NHSL1: variants seen among roughly 807,000 people sequenced by gnomAD.
NHSL1 encodes NHS-like protein 1.
In NHSL1, 48 loss-of-function variants were observed where a neutral mutation model predicts 95.0. That is an observed-to-expected ratio of 0.51 (90% CI 0.40 to 0.64). The LOEUF is 0.64. Among genes scored for constraint, NHSL1 ranks in the 30% least tolerant of loss-of-function variants. NHSL1 has a pLI of 0.00. For synonymous variants in NHSL1, 783 were observed against 833.9 expected (o/e 0.94, Z 1.05); for missense variants, 1,971 against 2,077.7 (o/e 0.95, Z 1.00).
chr6:138,543,139 A>G (rs1782647242), intron 1 of NHSL1, among the ~76,000 whole-genome samples: 1 of 152,180 alleles, frequency 6.6e-6, no homozygotes, highest in African/African-American at 2.4e-5. Context: ...GCTATTAATC[A>G]TATTATTTGA....
intron 1 of NHSL1, among the ~76,000 whole-genome samples, chr6:138,564,239 A>G (rs1257693963): frequency 6.6e-6 from 1 of 152,192 alleles, no homozygotes; most frequent in African/African-American, 2.4e-5. Flanking sequence ...GCTACCTATA[A>G]CTTGGACTTC....
At chr6:138,670,095 T>C (rs1785344857) in intron 1 of NHSL1, among the ~76,000 whole-genome samples, 1 of 152,034 alleles carries the variant, frequency 6.6e-6, no homozygotes, top group Non-Finnish European at 1.5e-5. Context: ...CACTCCAGCC[T>C]GGGTGACAGA....
At chr6:138,496,005 G>A (rs1449091758) in intron 2 of NHSL1, among the ~76,000 whole-genome samples, 1 of 152,082 alleles carries the variant, frequency 6.6e-6, no homozygotes, top group Non-Finnish European at 1.5e-5. Flanking sequence ...TACAACACAG[G>A]GGAATTATGG....
At chr6:138,676,351 T>C (rs1240227247) in intron 1 of NHSL1, among the ~76,000 whole-genome samples, 2 of 152,174 alleles carry the variant, frequency 1.3e-5, no homozygotes, top group Non-Finnish European at 2.9e-5. Flanking sequence ...GGTCCAGTCC[T>C]TTATTCTAAC....
chr6:138,619,407 C>T (rs902244428), intron 1 of NHSL1, among the ~76,000 whole-genome samples: 3 of 152,188 alleles, frequency 2.0e-5, no homozygotes, highest in African/African-American at 7.2e-5. Flanking sequence ...TTTATAGGAG[C>T]AGCACATAAT....
At chr6:138,571,619 G>T in intron 1 of NHSL1, 1 of 1,221,762 alleles carries the variant, frequency 8.2e-7, no homozygotes, top group Non-Finnish European at 1.1e-6. Context: ...CTCCTAATGG[G>T]GGCAAAAATC....
chr6:138,493,700 A>G lies in NHSL1; in HGVS notation c.211+2519T>C, dbSNP rs551000877. Among the ~76,000 whole-genome samples the G allele has an allele frequency of 1.7e-4, 26 of 152,354 alleles. 1 individual carries two copies. The South Asian group carries it at 5.2e-3, about 30-fold the overall frequency. On this transcript the variant is annotated intron_variant, in intron 2 of 7. Transcript: ENST00000343505. Reference sequence around the variant, plus strand: ...GGGAACGGTGCCATTTAACATTCTTATTAGCAATTTGGTGGAGGAAGGTGA... The same window carrying G: ...GGGAACGGTGCCATTTAACATTCTTGTTAGCAATTTGGTGGAGGAAGGTGA...
intron 1 of NHSL1, chr6:138,512,481 A>G: frequency 7.5e-6 from 2 of 268,374 alleles, no homozygotes; most frequent in South Asian, 7.1e-5. Context: ...CGTCAACAGG[A>G]TAACTCTATA....
chr6:138,667,583 G>A (rs1435748571), intron 1 of NHSL1, among the ~76,000 whole-genome samples: 1 of 152,156 alleles, frequency 6.6e-6, no homozygotes, highest in East Asian at 1.9e-4. Flanking sequence ...AGAAAAGGAG[G>A]ACAAAATGTC....
upstream of NHSL1, chr6:138,499,504 C>G: frequency 9.2e-7 from 1 of 1,086,124 alleles, no homozygotes; most frequent in Non-Finnish European, 1.2e-6. Context: ...TGAAAAACTC[C>G]TACTGAAACC....
intron 3 of NHSL1, among the ~76,000 whole-genome samples, chr6:138,469,447 A>G (rs1375601717): frequency 6.6e-6 from 1 of 152,158 alleles, no homozygotes. Context: ...AACAAGGCTG[A>G]GCGCGATGAC....
intron 1 of NHSL1, among the ~76,000 whole-genome samples, chr6:138,612,631 T>G (rs548726742): frequency 3.2e-4 from 48 of 152,346 alleles, no homozygotes; most frequent in African/African-American, 1.2e-3. Context: ...AGAAGAATTG[T>G]AATATTTGAA....
intron 1 of NHSL1, among the ~76,000 whole-genome samples, chr6:138,661,068 A>C (rs7758455): frequency 6.6e-6 from 1 of 152,094 alleles, no homozygotes; most frequent in Admixed American, 6.5e-5. Context: ...CATTCTGAGA[A>C]GATTATCACA....
Position 138,430,638 on chromosome 6 carries a change from C to T in NHSL1, c.3707G>A (p.Gly1236Asp). 1 of 1,551,608 alleles carries T rather than the reference C, an allele frequency of 6.4e-7. No homozygotes were observed. The highest frequency in any genetic ancestry group is 8.7e-7 in the Non-Finnish European group (1 of 1,147,002). The change falls in exon 6 of 8, where the codon GGC becomes GAC. Residue 1236 changes from glycine (G) to aspartate (D), a missense_variant. Transcript: ENST00000343505. The surrounding 1 kb of genome is among the most constrained non-coding windows in gnomAD (Gnocchi z 4.7). ...AVPSPTTGEE[G>D]SVHSREAKES... ...TTTTGCCTCCCTGCTGTGCACAGAGCCCTCCTCTCCCGTCGTGGGGCTGGG... is the reference window on the plus strand; with the variant it reads ...TTTTGCCTCCCTGCTGTGCACAGAGTCCTCCTCTCCCGTCGTGGGGCTGGG...
At chr6:138,557,992 C>T (rs1006883819) in intron 1 of NHSL1, among the ~76,000 whole-genome samples, 11 of 152,110 alleles carry the variant, frequency 7.2e-5, no homozygotes, top group African/African-American at 1.7e-4. Flanking sequence ...GAAAGATGAA[C>T]GAGGCAAGCT....
In NHSL1 at chr6:138,639,840, A is replaced by G. The variant is rs568585179; in HGVS notation, c.96+52636T>C. On this transcript the variant is annotated intron_variant, in intron 1 of 3. Coordinates refer to the NHSL1 transcript ENST00000491526. ...AAAAAAAAAAAGTTGATGTATATGT[A>G]TATAAATAACCTTCTCATTCTTACA... is the stretch of plus-strand genomic sequence containing the variant. Among the ~76,000 whole-genome samples the G allele has an allele frequency of 9.8e-5, 14 of 143,404 alleles. No individual in the cohort carries two copies. In the East Asian group the frequency reaches 1.5e-3, roughly 16 times the overall value. The allele number at this position is 143,404 out of a possible 152,430, so 94.1% of individuals were successfully genotyped here. A position where few individuals can be genotyped will look rare whatever the true frequency, so the allele number is the denominator to read the frequency against.
intron 1 of NHSL1, among the ~76,000 whole-genome samples, chr6:138,506,047 A>G (rs368308163): frequency 6.6e-6 from 1 of 152,212 alleles, no homozygotes; most frequent in African/African-American, 2.4e-5. Flanking sequence ...AGACTCATTG[A>G]AACATTGGAA....
At position 138,433,577 on chromosome 6, in the gene NHSL1, G is replaced by A; in HGVS notation, c.768C>T (p.Arg256=). Residue 256 remains arginine (R), a synonymous_variant, in exon 6 of 8, where the codon CGC becomes CGT. Coordinates refer to ENST00000343505, the MANE Select transcript of NHSL1 (RefSeq NM_001144060.2). ...RFNSCRSAGQ[R]SETRDSSCQT... Reference sequence around the variant, plus strand: ...GACAGCTGGAGTCCCTGGTTTCTGAGCGCTGCCCAGCAGACCGACAGCTAT... The same window carrying A: ...GACAGCTGGAGTCCCTGGTTTCTGAACGCTGCCCAGCAGACCGACAGCTAT... 1 of 1,552,036 alleles carries A rather than the reference G, an allele frequency of 6.4e-7. No homozygotes were observed. The highest frequency in any genetic ancestry group is 1.2e-5 in the South Asian group (1 of 84,068).
chr6:138,576,045 G>T (rs951307356), upstream of NHSL1, among the ~76,000 whole-genome samples: 2 of 151,904 alleles, frequency 1.3e-5, no homozygotes, highest in Non-Finnish European at 2.9e-5. Flanking sequence ...AGGCCAGAGC[G>T]CAGTGGCGCG....
Sources: gnomAD v4.1 joint callset for allele counts (sites outside exome capture counted in the v4.1 genomes callset) on GRCh38, gnomAD v4.1.1 for gene constraint, Gnocchi (gnomAD v3.1) non-coding constraint, MANE v1.5 for transcripts, NCBI Gene and HGNC (gene_info 2026-07-23, HGNC 2026-07-21) for gene names.